The following NETO2 variants were observed in gnomAD, a reference collection of about 807,000 sequenced individuals.
NETO2 encodes the protein neuropilin and tolloid-like protein 2.
A neutral mutation model predicts 62.5 loss-of-function variants in NETO2; 28 were observed. That is an observed-to-expected ratio of 0.45 (90% CI 0.33 to 0.61). The LOEUF is 0.61. Ranked by LOEUF, NETO2 falls within the 20% of genes least tolerant of loss-of-function variation. NETO2 has a pLI of 0.02. For missense variants in NETO2, 548 were observed against 643.2 expected, an observed-to-expected ratio of 0.85 and a Z score of 1.60; for synonymous variants, 214 against 219.1, an observed-to-expected ratio of 0.98 and a Z score of 0.21.
chr16:47,115,199 T>A (rs981958082), intron 6 of NETO2, among the ~76,000 whole-genome samples: 2 of 152,254 alleles, frequency 1.3e-5, no homozygotes, highest in African/African-American at 2.4e-5. Context: ...TTTTTCAGAA[T>A]AATTTTGGCT....
At chr16:47,123,251 T>C (rs1172344611) in intron 4 of NETO2, among the ~76,000 whole-genome samples, 1 of 152,244 alleles carries the variant, frequency 6.6e-6, no homozygotes, top group Non-Finnish European at 1.5e-5. Flanking sequence ...TGAATCATAT[T>C]ACAATTTGTC....
At position 47,080,366 on chromosome 16, in the gene NETO2, T is replaced by A. The variant is rs1202277691; in HGVS notation, c.*2855A>T. On this transcript the variant is annotated 3_prime_UTR_variant, in exon 9 of 9. Transcript: ENST00000562435. ...CATTTTGTGTTCAACACTGGGACAC[T>A]GTGTGGGGTACCCTGCGTGACAGTT... is the stretch of plus-strand genomic sequence containing the variant. 1 of 152,236 alleles carries A rather than the reference T, an allele frequency of 6.6e-6. No homozygotes were observed. Among genetic ancestry groups the A allele is most frequent in the Non-Finnish European group, 1.5e-5 (1 of 68,030 alleles). The allele number at this position is 152,236 out of a possible 1,614,324, so 9.4% of individuals were successfully genotyped here. A position where few individuals can be genotyped will look rare whatever the true frequency, so the allele number is the denominator to read the frequency against.
At chr16:47,112,265 A>G (rs1280287022) in intron 6 of NETO2, among the ~76,000 whole-genome samples, 1 of 152,154 alleles carries the variant, frequency 6.6e-6, no homozygotes, top group Non-Finnish European at 1.5e-5. Flanking sequence ...TCACCCATGA[A>G]CTAGTTTCTC....
chr16:47,120,965 C>T (rs987011092), intron 6 of NETO2, among the ~76,000 whole-genome samples: 3 of 151,854 alleles, frequency 2.0e-5, no homozygotes, highest in Non-Finnish European at 2.9e-5. Flanking sequence ...TGGAGGGAGG[C>T]GCACGTCACA....
chr16:47,115,732 C>CATATATATATATAT lies in NETO2; in HGVS notation c.655-6022_655-6021insATATATATATATAT, dbSNP rs1390345855. On this transcript the variant is annotated intron_variant, in intron 6 of 8. Coordinates refer to ENST00000562435, the MANE Select transcript of NETO2 (RefSeq NM_018092.5). ...ATATATACATATATATATATATATA[C>CATATATATATATAT]ATGTATATATATATATTTTGTAGGG... Among the ~76,000 whole-genome samples the CATATATATATATAT allele has an allele frequency of 3.5e-3, 475 of 134,446 alleles. 11 individuals carry two copies. The highest frequency in any genetic ancestry group is 0.014 in the African/African-American group (433 of 31,366). The allele number at this position is 134,446 out of a possible 152,430, so 88.2% of individuals were successfully genotyped here. A position where few individuals can be genotyped will look rare whatever the true frequency, so the allele number is the denominator to read the frequency against.
At chr16:47,094,619 G>A (rs560316312) in intron 7 of NETO2, among the ~76,000 whole-genome samples, 47 of 152,000 alleles carry the variant, frequency 3.1e-4, no homozygotes, top group Admixed American at 6.6e-4. Context: ...TAGAGACAGG[G>A]TTTCACCGTG....
At chr16:47,136,609 T>A (rs996812981) in intron 1 of NETO2, among the ~76,000 whole-genome samples, 3 of 152,146 alleles carry the variant, frequency 2.0e-5, no homozygotes, top group African/African-American at 7.2e-5. Context: ...TTTCACTGTG[T>A]TGGCCAGGCT....
intron 4 of NETO2, among the ~76,000 whole-genome samples, chr16:47,125,626 G>A (rs1217339324): frequency 6.6e-6 from 1 of 152,180 alleles, no homozygotes; most frequent in East Asian, 1.9e-4. Context: ...GATTACAGGT[G>A]TAAGCCACCA....
intron 6 of NETO2, among the ~76,000 whole-genome samples, chr16:47,116,324 T>C (rs1177820588): frequency 1.3e-5 from 2 of 152,146 alleles, no homozygotes; most frequent in African/African-American, 4.8e-5. Context: ...CTTCAGGTTA[T>C]GGAAGTCTCA....
chr16:47,109,373 C>CA (rs1031497401), intron 7 of NETO2, 110 bp downstream of exon 7: 709 of 537,380 alleles, frequency 1.3e-3, no homozygotes, highest in South Asian at 3.1e-3. Context: ...TGTAGTAAAA[C>CA]AAAAAAAAAC....
In NETO2 at chr16:47,131,984, C is replaced by T; in HGVS notation, c.76G>A (p.Ala26Thr). ...AGTACTTTACCTTGGGTTTTTTGGG[C>T]CACGGCAATCCCTTCCACTACCAGT... ...TVLVVEGIAVAQKTQDGQNIG... is the reference protein window; with the variant it reads ...TVLVVEGIAVTQKTQDGQNIG... Residue 26 changes from alanine (A) to threonine (T), a missense_variant, in exon 2 of 9, where the codon GCC becomes ACC. Physicochemically the swap from Ala to Thr is moderately conservative, Grantham distance 58. Transcript: ENST00000562435. The T allele has an allele frequency of 1.2e-6, 2 of 1,612,374 alleles. No homozygotes were observed. Among genetic ancestry groups the T allele is most frequent in the South Asian group, 1.1e-5 (1 of 91,016 alleles).
chr16:47,088,601 T>A lies in NETO2; in HGVS notation c.884-2262A>T, dbSNP rs556814051. Among the ~76,000 whole-genome samples the A allele has an allele frequency of 3.4e-3, 513 of 152,276 alleles. 3 individuals are homozygous for A. The highest frequency in any genetic ancestry group is 0.01 in the Middle Eastern group (3 of 294). On this transcript the variant is annotated intron_variant, in intron 7 of 8. Transcript: ENST00000562435. ...TCAGAAGGTTTTTCAAGATAGAGTA[T>A]CTAAAATTTTACTTGACTAATGAGA...
chr16:47,101,431 C>T (rs1037975117), intron 7 of NETO2, among the ~76,000 whole-genome samples: 3 of 152,162 alleles, frequency 2.0e-5, no homozygotes, highest in Admixed American at 2.0e-4. Flanking sequence ...GAGGTTCTGG[C>T]CAGGGCAATT....
chr16:47,086,703 G>A (rs1963197851), intron 7 of NETO2, among the ~76,000 whole-genome samples: 2 of 152,094 alleles, frequency 1.3e-5, no homozygotes, highest in South Asian at 4.1e-4. Flanking sequence ...AATGTAAGAT[G>A]GTGCAGTCAT....
intron 1 of NETO2, among the ~76,000 whole-genome samples, chr16:47,134,938 GCA>G (rs749488585): frequency 6.6e-6 from 1 of 152,162 alleles, no homozygotes; most frequent in Non-Finnish European, 1.5e-5. Context: ...TTAGAGGGCT[GCA>G]CAGTTTTCTT....
Position 47,082,479 on chromosome 16 carries a change from C to T in NETO2, c.*742G>A, listed in dbSNP as rs566056107. ...TTTTCAAATTTTTAGTCATAGCTGACAATGGTACATATATCCCAGGATTAT... is the reference window on the plus strand; with the variant it reads ...TTTTCAAATTTTTAGTCATAGCTGATAATGGTACATATATCCCAGGATTAT... On this transcript the variant is annotated 3_prime_UTR_variant, in exon 9 of 9. Coordinates refer to ENST00000562435, the MANE Select transcript of NETO2 (RefSeq NM_018092.5). 1 of 152,210 alleles carries T rather than the reference C, an allele frequency of 6.6e-6. No homozygotes were observed. The highest frequency in any genetic ancestry group is 6.5e-5 in the Admixed American group (1 of 15,298). 9.4% of individuals were successfully genotyped at this position (152,210 alleles called of 1,614,324 possible). A position where few individuals can be genotyped will look rare whatever the true frequency, so the allele number is the denominator to read the frequency against.
chr16:47,125,639 T>A (rs1043264233), intron 4 of NETO2, among the ~76,000 whole-genome samples: 1 of 152,154 alleles, frequency 6.6e-6, no homozygotes, highest in Admixed American at 6.6e-5. Context: ...AGCCACCACA[T>A]CTGGCTGCTA....
At chr16:47,120,005 A>ATTTAAATC (rs1475563499) in intron 6 of NETO2, among the ~76,000 whole-genome samples, 2 of 152,212 alleles carry the variant, frequency 1.3e-5, no homozygotes, top group Non-Finnish European at 2.9e-5. Context: ...ATACTGTGTA[A>ATTTAAATC]TTTAAATCTT....
At chr16:47,113,641 G>GAGTGCAGT (rs1963849076) in intron 6 of NETO2, among the ~76,000 whole-genome samples, 1 of 146,586 alleles carries the variant, frequency 6.8e-6, no homozygotes, top group Non-Finnish European at 1.5e-5. Context: ...GCCCAGGCTG[G>GAGTGCAGT]AGTGCAGTAG....
Sources: allele counts gnomAD v4.1 joint callset (sites outside exome capture counted in the v4.1 genomes callset), GRCh38; gene constraint gnomAD v4.1.1; transcripts MANE v1.5; gene names NCBI Gene and HGNC (gene_info 2026-07-23, HGNC 2026-07-21).